Variants in PCDHGA11 observed in about 807,000 individuals in gnomAD.
The protein encoded by PCDHGA11 is protocadherin gamma-A11.
In PCDHGA11, 39 loss-of-function variants were observed where a neutral mutation model predicts 60.4. The ratio of observed to expected loss-of-function variants is 0.65; its 90% CI spans 0.50 to 0.84. The LOEUF (loss-of-function observed/expected upper bound fraction) is 0.84, where lower values mean the gene tolerates loss of function less well. Ranked by LOEUF, PCDHGA11 falls within the 40% of genes least tolerant of loss-of-function variation. PCDHGA11 has a pLI of 0.00. For missense variants in PCDHGA11, 1,165 were observed against 1,197.7 expected (o/e 0.97, Z 0.40); for synonymous variants, 533 against 510.3 (o/e 1.04, Z -0.60).
chr5:141,444,240 C>A (rs1017550385), intron 1 of PCDHGA11, among the ~76,000 whole-genome samples: 1 of 128,688 alleles, frequency 7.8e-6, no homozygotes, highest in Admixed American at 9.7e-5. Flanking sequence ...GGCATGCTCT[C>A]GGCTCACTGC....
Position 141,477,439 on chromosome 5 carries a change from A to C in PCDHGA11, c.2434-17368A>C. 1 of 1,614,142 alleles carries C rather than the reference A, an allele frequency of 6.2e-7. No homozygotes were observed. Among genetic ancestry groups the C allele is most frequent in the Non-Finnish European group, 8.5e-7 (1 of 1,180,016 alleles). On this transcript the variant is annotated intron_variant, in intron 1 of 3. Transcript: ENST00000398587. This position sits in a 1 kb window ranked among gnomAD's most constrained non-coding sequence, Gnocchi z 4.9. ...GAACCCCTTCCCTCTCAGCCCTTAC[A>C]ATAGTGCGTGTTCAAGTGTCCGACA... is the stretch of plus-strand genomic sequence containing the variant.
intron 1 of PCDHGA11, among the ~76,000 whole-genome samples, chr5:141,492,148 G>C (rs2099737507): frequency 6.6e-6 from 1 of 152,202 alleles, no homozygotes; most frequent in Admixed American, 6.5e-5. Flanking sequence ...TGACTTCACT[G>C]TTACCCTCCC....
rs773703641 is a variant in PCDHGA11, at chr5:141,477,856, G to A, written c.2434-16951G>A. On this transcript the variant is annotated intron_variant, in intron 1 of 3. Transcript: ENST00000398587. The surrounding 1 kb of genome is among the most constrained non-coding windows in gnomAD (Gnocchi z 4.9). ...CAGGTGGGAGCTCGGTGGAGATGCT[G>A]CCTCGAGGTACCTCAGCTGGCCACC... is the stretch of plus-strand genomic sequence containing the variant. 6.2e-7 allele frequency: 1 copy of A among 1,613,592 alleles called. No homozygotes were observed. Among genetic ancestry groups the A allele is most frequent in the Admixed American group, 1.7e-5 (1 of 59,976 alleles).
At chr5:141,475,934 G>T in intron 1 of PCDHGA11, 1 of 665,236 alleles carries the variant, frequency 1.5e-6, no homozygotes, top group Non-Finnish European at 2.5e-6. Context: ...TCGGGCCCCT[G>T]CCCGTCCCCT....
In PCDHGA11 at chr5:141,485,472, C is replaced by T. The variant is rs1185020546; in HGVS notation, c.2434-9335C>T. On this transcript the variant is annotated intron_variant, in intron 1 of 3. Transcript: ENST00000398587. This position sits in a 1 kb window ranked among gnomAD's most constrained non-coding sequence, Gnocchi z 5.7. The stretch of plus-strand genomic sequence containing the variant: ...CGAGAGGCACTGTGTGGGCTCAGTG[C>T]CAGCTGCATCGTGCCCCTGGAGTTT... The T allele has an allele frequency of 3.1e-6, 5 of 1,614,138 alleles. No individual in the cohort carries two copies. In the South Asian group the frequency reaches 5.5e-5, roughly 18 times the overall value.
intron 1 of PCDHGA11, among the ~76,000 whole-genome samples, chr5:141,475,171 C>A (rs545499118): frequency 6.6e-6 from 1 of 152,164 alleles, no homozygotes; most frequent in African/African-American, 2.4e-5. Context: ...AGCAGTGCAA[C>A]TTCTTGTGGC....
chr5:141,510,814 CT>C, intron 3 of PCDHGA11, 132 bp from the exon 4 acceptor site: 1 of 1,544,688 alleles, frequency 6.5e-7, no homozygotes, highest in Non-Finnish European at 8.8e-7. Context: ...TTGGTGACCC[CT>C]ATATTCCCAG....
Position 141,485,342 on chromosome 5 carries a change from G to C in PCDHGA11, c.2434-9465G>C. 1.2e-6 allele frequency: 2 copies of C among 1,614,164 alleles called. No individual in the cohort carries two copies. Among genetic ancestry groups the C allele is most frequent in the Non-Finnish European group, 1.7e-6 (2 of 1,180,026 alleles). On this transcript the variant is annotated intron_variant, in intron 1 of 3. Coordinates refer to ENST00000398587, the MANE Select transcript of PCDHGA11 (RefSeq NM_018914.3). The surrounding 1 kb of genome is among the most constrained non-coding windows in gnomAD (Gnocchi z 5.7). The stretch of plus-strand genomic sequence containing the variant: ...CGCTCAAGATTTCCTGCTGGATACG[G>C]ACAGTCTGTCAGCTCGCAGGCTGCA...
chr5:141,472,980 CAA>C (rs60579131), intron 1 of PCDHGA11, among the ~76,000 whole-genome samples: 879 of 86,072 alleles, frequency 0.01, 5 homozygotes, highest in African/African-American at 0.015. Context: ...GAGTGAAACT[CAA>C]AAAAAAAAAA....
At chr5:141,437,887 G>A (rs1289693561) in intron 1 of PCDHGA11, among the ~76,000 whole-genome samples, 12 of 151,946 alleles carry the variant, frequency 7.9e-5, no homozygotes, top group Admixed American at 3.3e-4. Flanking sequence ...ACAGGCACAC[G>A]CCACCACACC....
Position 141,490,866 on chromosome 5 carries a change from C to T in PCDHGA11, c.2434-3941C>T, listed in dbSNP as rs1408465290. The T allele has an allele frequency of 6.2e-7, 1 of 1,613,906 alleles. No homozygotes were observed. The highest frequency in any genetic ancestry group is 1.7e-5 in the Admixed American group (1 of 60,012). ...TGGGGGTTCGAGACTCCGGCTCTCC[C>T]CCATTGCATGCCAACACATCTCTGC... On this transcript the variant is annotated intron_variant, in intron 1 of 3. Coordinates refer to ENST00000398587, the MANE Select transcript of PCDHGA11 (RefSeq NM_018914.3). The surrounding 1 kb of genome is among the most constrained non-coding windows in gnomAD (Gnocchi z 5.4).
rs994009107 is a variant in PCDHGA11 at position 141,490,364 on chromosome 5, G to A, written c.2434-4443G>A. ...ACAGTAGTGGGGTTGTTTAATGTGC[G>A]AGACCGGGACTCAGGTAGAAATGGT... On this transcript the variant is annotated intron_variant, in intron 1 of 3. Transcript: ENST00000398587. The surrounding 1 kb of genome is among the most constrained non-coding windows in gnomAD (Gnocchi z 5.4). 7 of 1,614,056 alleles carry A rather than the reference G, an allele frequency of 4.3e-6. No individual in the cohort carries two copies. In the African/African-American group the frequency reaches 5.3e-5, roughly 12 times the overall value.
Position 141,423,595 on chromosome 5 carries a change from G to A in PCDHGA11, c.2368G>A (p.Glu790Lys). 1 of 1,613,216 alleles carries A rather than the reference G, an allele frequency of 6.2e-7. No individual in the cohort carries two copies. Among genetic ancestry groups the A allele is most frequent in the Non-Finnish European group, 8.5e-7 (1 of 1,179,478 alleles). Residue 790 changes from glutamate to lysine, a missense_variant, in exon 1 of 4, where the codon GAG becomes AAG. Coordinates refer to ENST00000398587, the MANE Select transcript of PCDHGA11 (RefSeq NM_018914.3). ...LISQESCEKSEPLLIAEDSAI... is the reference protein window; with the variant it reads ...LISQESCEKSKPLLIAEDSAI... The stretch of plus-strand genomic sequence containing the variant: ...CAGCCAGGAGAGCTGTGAGAAAAGC[G>A]AGCCACTCTTGATAGCTGAAGACTC...
At chr5:141,457,500 A>G (rs1483244745) in intron 1 of PCDHGA11, among the ~76,000 whole-genome samples, 1 of 152,244 alleles carries the variant, frequency 6.6e-6, no homozygotes, top group African/African-American at 2.4e-5. Context: ...AAATGTAGGC[A>G]AAAAGCTTAA....
intron 3 of PCDHGA11, among the ~76,000 whole-genome samples, chr5:141,509,532 A>C (rs2099877210): frequency 6.6e-6 from 1 of 152,124 alleles, no homozygotes; most frequent in African/African-American, 2.4e-5. Flanking sequence ...GCACAGGATG[A>C]AGCACCATCT....
chr5:141,438,735 C>T (rs2098057719), intron 1 of PCDHGA11, among the ~76,000 whole-genome samples: 1 of 149,150 alleles, frequency 6.7e-6, no homozygotes, highest in South Asian at 2.1e-4. Context: ...GATCTCAGCT[C>T]ACTGCAACCT....
At chr5:141,457,554 G>A (rs2098924282) in intron 1 of PCDHGA11, among the ~76,000 whole-genome samples, 1 of 152,166 alleles carries the variant, frequency 6.6e-6, no homozygotes, top group Admixed American at 6.5e-5. Flanking sequence ...TGTATGATAA[G>A]CTTTGGAGCA....
At chr5:141,425,209 A>G (rs2096861765) in intron 1 of PCDHGA11, among the ~76,000 whole-genome samples, 1 of 152,180 alleles carries the variant, frequency 6.6e-6, no homozygotes, top group African/African-American at 2.4e-5. Context: ...GATGTAAGGC[A>G]TTGTACTTTG....
intron 3 of PCDHGA11, chr5:141,508,010 CAAG>C (rs2099865550): frequency 6.6e-6 from 1 of 152,308 alleles, no homozygotes; most frequent in Non-Finnish European, 1.5e-5. Context: ...GGGATGCTCT[CAAG>C]GAGGCTGCGG....
Sources: gnomAD v4.1 joint callset for allele counts (sites outside exome capture counted in the v4.1 genomes callset) on GRCh38, gnomAD v4.1.1 for gene constraint, Gnocchi (gnomAD v3.1) non-coding constraint, MANE v1.5 for transcripts, NCBI Gene and HGNC (gene_info 2026-07-23, HGNC 2026-07-21) for gene names.